The following HS6ST2 variants were observed in gnomAD, a reference collection of about 807,000 sequenced individuals.
HS6ST2 encodes the protein heparan-sulfate 6-O-sulfotransferase 2.
In HS6ST2, 17 loss-of-function variants were observed where a neutral mutation model predicts 33.0. The ratio of observed to expected loss-of-function variants is 0.52; its 90% CI spans 0.35 to 0.77. The LOEUF (loss-of-function observed/expected upper bound fraction) is 0.77, where lower values mean the gene tolerates loss of function less well. Ranked by LOEUF, HS6ST2 falls within the 30% of genes least tolerant of loss-of-function variation. HS6ST2 has a pLI of 0.01. For missense variants in HS6ST2, 519 were observed against 551.7 expected, an observed-to-expected ratio of 0.94 and a Z score of 0.59; for synonymous variants, 248 against 237.1, an observed-to-expected ratio of 1.05 and a Z score of -0.42.
At chrX:132,954,750 C>T (rs1466599128) in intron 2 of HS6ST2, among the ~76,000 whole-genome samples, 1 of 112,215 alleles carries the variant, frequency 8.9e-6, no homozygotes, top group African/African-American at 3.2e-5. Flanking sequence ...CATGGTTGCT[C>T]TTTGATTAGA....
At chrX:132,798,010 C>G (rs1348965772) in intron 2 of HS6ST2, among the ~76,000 whole-genome samples, 1 of 46,796 alleles carries the variant, frequency 2.1e-5, no homozygotes. Context: ...GAGACTTTGT[C>G]TCAAAAAAAA....
chrX:132,826,292 A>T lies in HS6ST2; in HGVS notation c.948-117798T>A, dbSNP rs1407069675. Among the ~76,000 whole-genome samples, 4 of 110,627 alleles carry T rather than the reference A, an allele frequency of 3.6e-5. No individual in the cohort carries two copies. In the Admixed American group the frequency reaches 3.9e-4, roughly 11 times the overall value. ...ACGTAGCTCCATCTTTATAAGAAAG[A>T]CTCCACTAGAAGTTTCTTTGGGCCT... On this transcript the variant is annotated intron_variant, in intron 2 of 4. Transcript: ENST00000370833.
chrX:132,730,243 T>C (rs1191250222), intron 2 of HS6ST2, among the ~76,000 whole-genome samples: 4 of 112,295 alleles, frequency 3.6e-5, no homozygotes, highest in African/African-American at 6.5e-5. Flanking sequence ...CAGTCTCCTC[T>C]GTGCTCAGAA....
At chrX:132,742,551 T>C (rs2064590396) in intron 2 of HS6ST2, among the ~76,000 whole-genome samples, 1 of 111,820 alleles carries the variant, frequency 8.9e-6, no homozygotes, top group African/African-American at 3.3e-5. Flanking sequence ...CTTCCCCAAA[T>C]TGGGGTGAGC....
intron 4 of HS6ST2, among the ~76,000 whole-genome samples, chrX:132,646,806 C>T (rs952671954): frequency 5.4e-5 from 6 of 111,627 alleles, no homozygotes; most frequent in African/African-American, 1.6e-4. Flanking sequence ...AATGGACTCA[C>T]AGTTCCACAT....
At chrX:132,633,217 A>AGGAGTAGT (rs2063531362) in intron 4 of HS6ST2, among the ~76,000 whole-genome samples, 1 of 110,335 alleles carries the variant, frequency 9.1e-6, no homozygotes, top group South Asian at 4.0e-4. Context: ...CGGGGAGTGA[A>AGGAGTAGT]GGAGTAGTGG....
At position 132,787,190 on chromosome X, in the gene HS6ST2, TATATATATACAC is replaced by T. The variant is rs1258402983; in HGVS notation, c.948-78708_948-78697del. ...ATGTATATATATATATATATATACA[TATATATATACAC>T]ATATATATATACACATATATATATA... On this transcript the variant is annotated intron_variant, in intron 2 of 4. Transcript: ENST00000370833. 2.3e-3 allele frequency among the ~76,000 whole-genome samples: 197 copies of T among 84,454 alleles called. 5 individuals are homozygous for T. The highest frequency in any genetic ancestry group is 9.2e-3 in the African/African-American group (182 of 19,826). The allele number at this position is 84,454 out of a possible 115,157, so 73.3% of individuals were successfully genotyped here.
At chrX:132,684,147 C>T (rs923263510) in intron 3 of HS6ST2, among the ~76,000 whole-genome samples, 1 of 106,318 alleles carries the variant, frequency 9.4e-6, no homozygotes, top group African/African-American at 3.4e-5. Context: ...AAACTTATTC[C>T]TGGTGCCAAA....
chrX:132,919,620 C>T (rs1286422233), intron 2 of HS6ST2, among the ~76,000 whole-genome samples: 5 of 112,179 alleles, frequency 4.5e-5, no homozygotes, highest in African/African-American at 1.6e-4. Context: ...GTTTTTACAA[C>T]TTTGATCTTG....
At chrX:132,732,608 T>G (rs956658122) in intron 2 of HS6ST2, among the ~76,000 whole-genome samples, 2 of 111,222 alleles carry the variant, frequency 1.8e-5, no homozygotes, top group Admixed American at 9.6e-5. Context: ...CTCACTAGAT[T>G]TGATGGTTTT....
At chrX:132,846,879 G>GA (rs1018011204) in intron 2 of HS6ST2, among the ~76,000 whole-genome samples, 3 of 109,068 alleles carry the variant, frequency 2.8e-5, no homozygotes, top group African/African-American at 1.0e-4. Flanking sequence ...ATGTAAAAAA[G>GA]AAAAAAAACT....
At chrX:132,720,645 A>C (rs920831806) in intron 2 of HS6ST2, among the ~76,000 whole-genome samples, 10 of 110,996 alleles carry the variant, frequency 9.0e-5, no homozygotes, top group African/African-American at 3.3e-4. Flanking sequence ...ATTTAAAAAA[A>C]AAATGACCCA....
intron 2 of HS6ST2, among the ~76,000 whole-genome samples, chrX:132,908,000 T>C (rs1200609386): frequency 1.8e-5 from 2 of 112,047 alleles, no homozygotes; most frequent in Non-Finnish European, 3.8e-5. Flanking sequence ...GAGGAAGTTT[T>C]TGCAAATCCT....
chrX:132,950,083 T>C (rs1219179302), intron 2 of HS6ST2, among the ~76,000 whole-genome samples: 1 of 111,809 alleles, frequency 8.9e-6, no homozygotes, highest in Non-Finnish European at 1.9e-5. Flanking sequence ...GTTGCACTTA[T>C]GATAACTCCA....
intron 2 of HS6ST2, among the ~76,000 whole-genome samples, chrX:132,836,552 C>T (rs1320566463): frequency 1.8e-5 from 2 of 112,368 alleles, no homozygotes; most frequent in Admixed American, 1.9e-4. Flanking sequence ...AGCAACAGCT[C>T]TCCTCTCCTC....
intron 2 of HS6ST2, among the ~76,000 whole-genome samples, chrX:132,950,726 T>C (rs1226076469): frequency 8.9e-6 from 1 of 112,408 alleles, no homozygotes; most frequent in East Asian, 2.8e-4. Flanking sequence ...GAGTTCTTTG[T>C]ACAGTAAAGA....
chrX:132,855,961 T>C (rs183208337), intron 2 of HS6ST2, among the ~76,000 whole-genome samples: 179 of 110,927 alleles, frequency 1.6e-3, no homozygotes, highest in African/African-American at 4.9e-3. Flanking sequence ...GTTTTTTGAG[T>C]TACTGTGTAC....
At chrX:132,670,465 C>T (rs1376074028) in intron 3 of HS6ST2, among the ~76,000 whole-genome samples, 1 of 110,645 alleles carries the variant, frequency 9.0e-6, no homozygotes, top group Admixed American at 9.7e-5. Flanking sequence ...AAAGGCTGAT[C>T]AGGAAAAGTC....
intron 2 of HS6ST2, among the ~76,000 whole-genome samples, chrX:132,941,759 C>A (rs750889693): frequency 1.8e-5 from 2 of 111,229 alleles, no homozygotes; most frequent in South Asian, 7.6e-4. Flanking sequence ...ATAAAAGCTT[C>A]CAGAAGATTG....
Sources: allele counts gnomAD v4.1 joint callset (sites outside exome capture counted in the v4.1 genomes callset), GRCh38; gene constraint gnomAD v4.1.1; transcripts MANE v1.5; gene names NCBI Gene and HGNC (gene_info 2026-07-23, HGNC 2026-07-21).